Variants in VASH1 observed in about 807,000 individuals in gnomAD.
The protein encoded by VASH1 is vasohibin 1.
In VASH1, 16 loss-of-function variants were observed where a neutral mutation model predicts 35.0. The observed-to-expected ratio is 0.46, with a 90% CI of 0.31 to 0.70. The LOEUF (loss-of-function observed/expected upper bound fraction) is 0.70, where lower values mean the gene tolerates loss of function less well. VASH1 is among the 30% of genes least tolerant of loss of function. The pLI is 0.05. For synonymous variants in VASH1, 214 were observed against 200.9 expected (o/e 1.07, Z -0.55); for missense variants, 505 against 510.7 (o/e 0.99, Z 0.11).
rs1893510017 is a variant in VASH1 at position 76,761,723 on chromosome 14, C to T, written c.-1099C>T. ...GAGGCTGCGCGAGCCTCCGGGCTTG[C>T]GGTCCCCGCCCCGCGGTCCTTCCTC... is the stretch of plus-strand genomic sequence containing the variant. On this transcript the variant is annotated 5_prime_UTR_variant, in exon 1 of 7. Transcript: ENST00000167106. 6.6e-6 allele frequency among the ~76,000 whole-genome samples: 1 copy of T among 151,882 alleles called. No individual in the cohort carries two copies. The highest frequency in any genetic ancestry group is 6.6e-5 in the Admixed American group (1 of 15,248).
Position 76,769,966 on chromosome 14 carries a change from C to T in VASH1, c.313C>T (p.Pro105Ser). ...GGAGCTCTTTCTCTGTCCCCAGATC[C>T]CCATACCGAGTGTGCCTACGTTCCA... The part of the protein sequence containing the change: ...IRGATDLPKI[P>S]IPSVPTFQPS... Residue 105 changes from proline (P) to serine (S), a missense_variant, in exon 2 of 7, where the codon CCC (proline) becomes TCC (serine). Physicochemically the swap from Pro to Ser is moderately conservative, Grantham distance 74 (BLOSUM62 -1). Transcript: ENST00000167106. The T allele has an allele frequency of 1.2e-6, 2 of 1,613,934 alleles. No individual in the cohort carries two copies. The highest frequency in any genetic ancestry group is 8.5e-7 in the Non-Finnish European group (1 of 1,179,828).
At position 76,761,745 on chromosome 14, in the gene VASH1, C is replaced by A. The variant is rs899056896; in HGVS notation, c.-1077C>A. Among the ~76,000 whole-genome samples the A allele has an allele frequency of 2.6e-5, 4 of 151,918 alleles. No homozygotes were observed. The highest frequency in any genetic ancestry group is 9.7e-5 in the African/African-American group (4 of 41,426). On this transcript the variant is annotated 5_prime_UTR_variant, in exon 1 of 7. Coordinates refer to ENST00000167106, the MANE Select transcript of VASH1 (RefSeq NM_014909.5). ...TTGCGGTCCCCGCCCCGCGGTCCTT[C>A]CTCCACCCTCAGCCAGGGCAGCTGC...
At chr14:76,777,889 C>T in intron 5 of VASH1, 70 bp from the exon 6 acceptor site, 1 of 1,210,794 alleles carries the variant, frequency 8.3e-7, no homozygotes, top group Non-Finnish European at 1.1e-6. Flanking sequence ...GGACCTGTGG[C>T]TCCTGGAAGG....
chr14:76,767,340 AGAC>A (rs1304598481), intron 1 of VASH1, among the ~76,000 whole-genome samples: 1 of 152,196 alleles, frequency 6.6e-6, no homozygotes, highest in Non-Finnish European at 1.5e-5. Context: ...ATCTAGTTGG[AGAC>A]TCAGCCCTAT....
At chr14:76,773,002 G>GTC in intron 3 of VASH1, 135 bp from the exon 4 acceptor site, 4 of 757,024 alleles carry the variant, frequency 5.3e-6, no homozygotes, top group South Asian at 2.0e-5. Flanking sequence ...GGAGGTGCTG[G>GTC]GCCTGAGCTG....
chr14:76,778,448 A>G (rs1894007663), intron 6 of VASH1, among the ~76,000 whole-genome samples: 1 of 152,170 alleles, frequency 6.6e-6, no homozygotes. Context: ...TTTTGTCTGT[A>G]TCCAGGTAGC....
Position 76,762,868 on chromosome 14 carries a change from C to T in VASH1, c.47C>T (p.Thr16Ile), listed in dbSNP as rs111769366. Residue 16 changes from threonine (T) to isoleucine (I), a missense_variant, in exon 1 of 7, where the codon ACT becomes ATT. By Grantham distance (89) the Thr-to-Ile change is moderately conservative. Coordinates refer to ENST00000167106, the MANE Select transcript of VASH1 (RefSeq NM_014909.5). Reference sequence around the variant, plus strand: ...GCTGGGGGTGGCAGCAGCGGTGCCACTCCAACGTCCGCTGCGGCCACCGCC... The same window carrying T: ...GCTGGGGGTGGCAGCAGCGGTGCCATTCCAACGTCCGCTGCGGCCACCGCC... ...KVAGGGSSGATPTSAAATAPS... is the reference protein window; with the variant it reads ...KVAGGGSSGAIPTSAAATAPS... The T allele has an allele frequency of 6.5e-7, 1 of 1,540,710 alleles. No individual in the cohort carries two copies. Among genetic ancestry groups the T allele is most frequent in the East Asian group, 2.4e-5 (1 of 42,222 alleles).
In VASH1 at chr14:76,765,677, A is replaced by C. The variant is rs185547853; in HGVS notation, c.309+2547A>C. On this transcript the variant is annotated intron_variant, in intron 1 of 6. Transcript: ENST00000167106. ...GAAGTGTTTTGTTGGGAAAATTGGG[A>C]GATTTCTCACATAAAGATCCAGAGT... Among the ~76,000 whole-genome samples, 9 of 152,310 alleles carry C rather than the reference A, an allele frequency of 5.9e-5. No individual in the cohort carries two copies. The East Asian group carries it at 1.7e-3, about 29-fold the overall frequency.
rs541793576 is a variant in VASH1, at chr14:76,762,050, C to G, written c.-772C>G. The G allele has an allele frequency of 1.2e-3, 187 of 152,614 alleles. 1 individual carries two copies. Among genetic ancestry groups the G allele is most frequent in the African/African-American group, 4.4e-3 (181 of 41,572 alleles). The allele number at this position is 152,614 out of a possible 1,614,324, so 9.5% of individuals were successfully genotyped here. ...CCTCGGGGCTCGCAGCCTTCGCCTC[C>G]CCGCCGCGCCCGCTCCCTTTCTGGG... is the stretch of plus-strand genomic sequence containing the variant. On this transcript the variant is annotated 5_prime_UTR_variant, in exon 1 of 7. Transcript: ENST00000167106.
Position 76,779,495 on chromosome 14 carries a change from C to T in VASH1, c.*477C>T, listed in dbSNP as rs1010744637. ...GAGATGTTTCTCCAGTTCTGCCTGC[C>T]CTGGCAGAATCTTGACCCAGGGAAA... is the stretch of plus-strand genomic sequence containing the variant. On this transcript the variant is annotated 3_prime_UTR_variant, in exon 7 of 7. Coordinates refer to ENST00000167106, the MANE Select transcript of VASH1 (RefSeq NM_014909.5). 7.1e-6 allele frequency: 5 copies of T among 701,946 alleles called. No homozygotes were observed. The highest frequency in any genetic ancestry group is 5.2e-5 in the African/African-American group (3 of 57,224). 43.5% of individuals were successfully genotyped at this position (701,946 alleles called of 1,614,324 possible).
intron 5 of VASH1, among the ~76,000 whole-genome samples, chr14:76,777,700 G>A (rs902650447): frequency 1.3e-5 from 2 of 152,140 alleles, no homozygotes; most frequent in South Asian, 2.1e-4. Context: ...GCAATATTAT[G>A]GTATCTCAGT....
Position 76,777,967 on chromosome 14 carries a change from A to T in VASH1, c.921A>T (p.Lys307Asn). Residue 307 changes from lysine (K) to asparagine (N), a missense_variant, in exon 6 of 7, where the codon AAA becomes AAT. Transcript: ENST00000167106. ...TCCTCCTCTGCACCTAGATTGGCAA[A>T]GGGACGGGCCCTCCCTCTCCCACCA... Reference protein sequence around the residue: ...HARDMRLKIGKGTGPPSPTKD... With the variant: ...HARDMRLKIGNGTGPPSPTKD... 1 of 1,526,962 alleles carries T rather than the reference A, an allele frequency of 6.5e-7. No homozygotes were observed. The highest frequency in any genetic ancestry group is 1.3e-5 in the South Asian group (1 of 79,450). The allele number at this position is 1,526,962 out of a possible 1,614,324, so 94.6% of individuals were successfully genotyped here. A position where few individuals can be genotyped will look rare whatever the true frequency, so the allele number is the denominator to read the frequency against.
chr14:76,768,573 A>C (rs1001521024), intron 1 of VASH1, among the ~76,000 whole-genome samples: 3 of 152,036 alleles, frequency 2.0e-5, no homozygotes, highest in Non-Finnish European at 4.4e-5. Flanking sequence ...CATCAGCAAC[A>C]CCCCAGACAT....
chr14:76,776,179 T>C lies in VASH1; in HGVS notation c.818T>C (p.Ile273Thr), dbSNP rs748200543. 1 of 1,610,882 alleles carries C rather than the reference T, an allele frequency of 6.2e-7. No homozygotes were observed. Among genetic ancestry groups the C allele is most frequent in the Non-Finnish European group, 8.5e-7 (1 of 1,179,760 alleles). The change falls in exon 5 of 7, where the codon ATC becomes ACC. Residue 273 changes from isoleucine (I) to threonine (T), a missense_variant. Transcript: ENST00000167106. The part of the protein sequence containing the change: ...VSHDPHSVEQ[I>T]EWKHSVLDVE... ...CACGACCCGCACAGCGTGGAGCAGATCGAGTGGAAGCACTCGGTGCTGGAC... is the reference window on the plus strand; with the variant it reads ...CACGACCCGCACAGCGTGGAGCAGACCGAGTGGAAGCACTCGGTGCTGGAC...
At chr14:76,778,536 A>G (rs1401711518) in intron 6 of VASH1, among the ~76,000 whole-genome samples, 3 of 152,202 alleles carry the variant, frequency 2.0e-5, no homozygotes, top group Non-Finnish European at 4.4e-5. Context: ...TGCTTTAAAT[A>G]TAATTGTCAT....
chr14:76,775,451 G>A (rs1043115524), intron 4 of VASH1, among the ~76,000 whole-genome samples: 1 of 152,208 alleles, frequency 6.6e-6, no homozygotes, highest in African/African-American at 2.4e-5. Flanking sequence ...AGGGTTGCAT[G>A]TGGATATGGG....
At position 76,770,210 on chromosome 14, in the gene VASH1, G is replaced by A. The variant is rs189173621; in HGVS notation, c.398+159G>A. On this transcript the variant is annotated intron_variant, in intron 2 of 6. Transcript: ENST00000167106. ...TGTGCTCCCTGGTGCTGTGGGACGCGGCGCGTGTGCCTCCTGGGTGTCGGA... is the reference window on the plus strand; with the variant it reads ...TGTGCTCCCTGGTGCTGTGGGACGCAGCGCGTGTGCCTCCTGGGTGTCGGA... Among the ~76,000 whole-genome samples, 795 of 152,288 alleles carry A rather than the reference G, an allele frequency of 5.2e-3. 4 individuals are homozygous for A. The highest frequency in any genetic ancestry group is 0.018 in the African/African-American group (737 of 41,554).
chr14:76,779,332 G>C lies in VASH1; in HGVS notation c.*314G>C. 1.4e-6 allele frequency: 1 copy of C among 702,402 alleles called. No homozygotes were observed. Among genetic ancestry groups the C allele is most frequent in the Admixed American group, 2.0e-5 (1 of 49,998 alleles). The allele number at this position is 702,402 out of a possible 1,614,324, so 43.5% of individuals were successfully genotyped here. A position where few individuals can be genotyped will look rare whatever the true frequency, so the allele number is the denominator to read the frequency against. On this transcript the variant is annotated 3_prime_UTR_variant, in exon 7 of 7. Transcript: ENST00000167106. ...AGGCCAGTGCTTAACAAATCCATGT[G>C]TCATGGGGCCAGGTGAGGGAAACTG...
intron 3 of VASH1, 26 bp from the exon 4 acceptor site, chr14:76,773,111 T>C (rs1893837267): frequency 1.2e-6 from 2 of 1,612,444 alleles, no homozygotes; most frequent in Admixed American, 1.7e-5. Flanking sequence ...GCGCTGTCCT[T>C]ACTGACCTGC....
Sources: allele counts gnomAD v4.1 joint callset (sites outside exome capture counted in the v4.1 genomes callset), GRCh38; gene constraint gnomAD v4.1.1; transcripts MANE v1.5; gene names NCBI Gene and HGNC (gene_info 2026-07-23, HGNC 2026-07-21).